The following NELL2 variants were observed in gnomAD, a reference collection of about 807,000 sequenced individuals.
NELL2 encodes neural EGFL like 2, also known as protein kinase C-binding protein NELL2.
A neutral mutation model predicts 109.6 loss-of-function variants in NELL2; 41 were observed. That is an observed-to-expected ratio of 0.37 (90% CI 0.29 to 0.49). The LOEUF (loss-of-function observed/expected upper bound fraction) is 0.49. Among genes scored for constraint, NELL2 ranks in the 20% least tolerant of loss-of-function variants. The pLI is 0.98. For synonymous variants in NELL2, 355 were observed against 344.7 expected (o/e 1.03, Z -0.33); for missense variants, 900 against 1,008.3 (o/e 0.89, Z 1.45).
chr12:44,555,704 C>T (rs762567164), intron 15 of NELL2, among the ~76,000 whole-genome samples: 15 of 152,166 alleles, frequency 9.9e-5, no homozygotes, highest in Middle Eastern at 3.2e-3. Flanking sequence ...CTCAATACCC[C>T]AATTCAGAAA....
chr12:44,864,620 A>G (rs2136816900), intron 2 of NELL2, among the ~76,000 whole-genome samples: 1 of 152,352 alleles, frequency 6.6e-6, no homozygotes, highest in South Asian at 2.1e-4. Flanking sequence ...CAATAGCACT[A>G]GGGAACTTTA....
At chr12:44,864,109 A>G (rs1944919689) in intron 2 of NELL2, among the ~76,000 whole-genome samples, 1 of 152,170 alleles carries the variant, frequency 6.6e-6, no homozygotes, top group South Asian at 2.1e-4. Flanking sequence ...CACCAGAGGA[A>G]ATCACCTAAG....
chr12:44,597,330 C>T (rs568107656), intron 15 of NELL2, among the ~76,000 whole-genome samples: 8 of 152,272 alleles, frequency 5.3e-5, no homozygotes, highest in African/African-American at 1.2e-4. Flanking sequence ...TCTGCCAGGA[C>T]TTTCATCTCC....
chr12:44,658,082 T>G (rs1214517406), intron 13 of NELL2, among the ~76,000 whole-genome samples: 1 of 152,174 alleles, frequency 6.6e-6, no homozygotes, highest in Non-Finnish European at 1.5e-5. Flanking sequence ...TTGAACTAAT[T>G]TACACTCCCA....
chr12:44,880,144 G>C (rs59919856), upstream of NELL2, among the ~76,000 whole-genome samples: 1,864 of 110,348 alleles, frequency 0.017, 39 homozygotes, highest in East Asian at 0.063. Flanking sequence ...CACACACAGA[G>C]AGAGAGAGAG....
chr12:44,588,734 ATTT>A (rs1465093383), intron 15 of NELL2, among the ~76,000 whole-genome samples: 1 of 152,154 alleles, frequency 6.6e-6, no homozygotes, highest in Non-Finnish European at 1.5e-5. Flanking sequence ...TTTTAACCAT[ATTT>A]AAGTGTACAA....
At chr12:44,624,049 G>T (rs1435660230) in intron 13 of NELL2, among the ~76,000 whole-genome samples, 1 of 152,060 alleles carries the variant, frequency 6.6e-6, no homozygotes, top group Non-Finnish European at 1.5e-5. Flanking sequence ...ATGGGTTGAT[G>T]AGTGCAGCAA....
intron 15 of NELL2, among the ~76,000 whole-genome samples, chr12:44,542,512 A>G (rs1415377508): frequency 6.6e-6 from 1 of 152,142 alleles, no homozygotes; most frequent in Non-Finnish European, 1.5e-5. Context: ...GTCCAGTTGG[A>G]ACCTCAGAAT....
At chr12:44,517,593 A>G (rs1565857633) in intron 19 of NELL2, among the ~76,000 whole-genome samples, 1 of 152,172 alleles carries the variant, frequency 6.6e-6, no homozygotes. Context: ...GCTATCTAAT[A>G]TGACAGCCAG....
At chr12:44,592,653 G>C (rs755168303) in intron 15 of NELL2, among the ~76,000 whole-genome samples, 11 of 152,124 alleles carry the variant, frequency 7.2e-5, no homozygotes, top group Non-Finnish European at 1.5e-4. Context: ...CTTTGTGCAG[G>C]GGTCAGTCTC....
At chr12:44,716,166 G>T (rs929559224) in intron 9 of NELL2, among the ~76,000 whole-genome samples, 1 of 151,792 alleles carries the variant, frequency 6.6e-6, no homozygotes, top group Non-Finnish European at 1.5e-5. Context: ...CCTGACTCTC[G>T]CTTTCCTTGA....
At chr12:44,586,856 C>T (rs545911120) in intron 15 of NELL2, among the ~76,000 whole-genome samples, 1 of 152,228 alleles carries the variant, frequency 6.6e-6, no homozygotes, top group African/African-American at 2.4e-5. Flanking sequence ...TTTCCAATGC[C>T]CTGCACAAAG....
intron 12 of NELL2, among the ~76,000 whole-genome samples, chr12:44,675,257 A>G (rs1380186914): frequency 1.3e-5 from 2 of 152,182 alleles, no homozygotes; most frequent in East Asian, 1.9e-4. Context: ...CCTGACAAGC[A>G]TTTAGTCCCT....
At chr12:44,662,903 G>A (rs775411873) in intron 13 of NELL2, among the ~76,000 whole-genome samples, 6 of 152,024 alleles carry the variant, frequency 3.9e-5, no homozygotes, top group Non-Finnish European at 7.4e-5. Context: ...CCATGAGCTC[G>A]GACACAAACA....
In NELL2 at chr12:44,837,948, A is replaced by G. The variant is rs148981788; in HGVS notation, c.185-21812T>C. 2.1e-3 allele frequency among the ~76,000 whole-genome samples: 326 copies of G among 152,352 alleles called. 5 individuals are homozygous for G. In the East Asian group the frequency reaches 0.049, roughly 23 times the overall value. Reference sequence around the variant, plus strand: ...CCTAAAATCATCTTAAAGTAGAAGTACAAATCGCCGCAGAATAGTTTCTAA... The same window carrying G: ...CCTAAAATCATCTTAAAGTAGAAGTGCAAATCGCCGCAGAATAGTTTCTAA... On this transcript the variant is annotated intron_variant, in intron 2 of 19. Coordinates refer to ENST00000429094, the MANE Select transcript of NELL2 (RefSeq NM_001145108.2).
chr12:44,832,322 G>C (rs145692647), intron 2 of NELL2, among the ~76,000 whole-genome samples: 5 of 152,156 alleles, frequency 3.3e-5, no homozygotes, highest in Non-Finnish European at 7.4e-5. Context: ...AAGAGGCTTA[G>C]TTAAAGCAAG....
intron 9 of NELL2, among the ~76,000 whole-genome samples, chr12:44,729,501 T>A (rs1417370393): frequency 1.3e-5 from 2 of 150,226 alleles, no homozygotes; most frequent in Admixed American, 1.3e-4. Context: ...TCCTACTCGA[T>A]CAATAATAAC....
intron 15 of NELL2, among the ~76,000 whole-genome samples, chr12:44,584,321 A>T (rs1944422802): frequency 6.6e-6 from 1 of 152,228 alleles, no homozygotes; most frequent in Non-Finnish European, 1.5e-5. Context: ...CTGTGGGACA[A>T]ATAGCTAAGT....
intron 19 of NELL2, among the ~76,000 whole-genome samples, chr12:44,514,464 T>TAG (rs372303993): frequency 1.5e-4 from 23 of 151,582 alleles, no homozygotes; most frequent in Admixed American, 6.6e-4. Context: ...CAGAGAGAGA[T>TAG]AGAGAGAGAG....
Sources: allele counts gnomAD v4.1 joint callset (sites outside exome capture counted in the v4.1 genomes callset), GRCh38; gene constraint gnomAD v4.1.1; transcripts MANE v1.5; gene names NCBI Gene and HGNC (gene_info 2026-07-23, HGNC 2026-07-21).